The following PICK1 variants were observed in gnomAD, a reference collection of about 807,000 sequenced individuals.
PICK1 encodes PRKCA-binding protein.
Under a neutral mutation model 48.9 loss-of-function variants are expected in PICK1, and 23 were observed. The ratio of observed to expected loss-of-function variants is 0.47; its 90% confidence interval spans 0.34 to 0.67. The LOEUF (loss-of-function observed/expected upper bound fraction) is 0.67. Ranked by LOEUF, PICK1 falls within the 30% of genes least tolerant of loss-of-function variation. The probability of loss-of-function intolerance (pLI) is 0.01; values close to 1 mark genes in which losing one functional copy is unlikely to be tolerated. For missense variants in PICK1, 423 were observed against 557.1 expected (o/e 0.76, Z 2.42); for synonymous variants, 217 against 228.2 (o/e 0.95, Z 0.44).
chr22:38,060,475 T>G (rs1007197314), intron 3 of PICK1, among the ~76,000 whole-genome samples: 9 of 152,206 alleles, frequency 5.9e-5, no homozygotes, highest in Non-Finnish European at 1.5e-5. Context: ...CTCTCACTGG[T>G]GGCAGATGGG....
At chr22:38,070,996 A>G in intron 7 of PICK1, 105 bp downstream of exon 7, 2 of 862,318 alleles carry the variant, frequency 2.3e-6, no homozygotes, top group Non-Finnish European at 4.0e-6. Context: ...AGCCTACAAA[A>G]TACTAGGACC....
At position 38,057,803 on chromosome 22, in the gene PICK1, C is replaced by T. The variant is rs1268872317; in HGVS notation, c.-7C>T. 6.8e-6 allele frequency: 11 copies of T among 1,613,746 alleles called. No individual in the cohort carries two copies. Among genetic ancestry groups the T allele is most frequent in the Non-Finnish European group, 9.3e-6 (11 of 1,179,590 alleles). ...CAGTTAGCCAGCCCACTCCAACTCT[C>T]GGAACCATGTTTGCAGACTTGGATT... is the stretch of plus-strand genomic sequence containing the variant. On this transcript the variant is annotated 5_prime_UTR_variant, in exon 2 of 13. Coordinates refer to ENST00000356976, the MANE Select transcript of PICK1 (RefSeq NM_012407.4).
Position 38,065,208 on chromosome 22 carries a change from C to T in PICK1, c.282+78C>T, listed in dbSNP as rs767532321. ...ACCTCCAGGCTGCCAGAGGTCCCAG[C>T]AGGCCTGGAAGGGGGTATCAGCCCT... is the stretch of plus-strand genomic sequence containing the variant. On this transcript the variant is annotated intron_variant, in intron 4 of 12. Transcript: ENST00000356976. 1.0e-5 allele frequency: 15 copies of T among 1,483,176 alleles called. 1 individual carries two copies. Among genetic ancestry groups the T allele is most frequent in the Non-Finnish European group, 1.4e-5 (15 of 1,081,974 alleles). 91.9% of individuals were successfully genotyped at this position (1,483,176 alleles called of 1,614,324 possible). A position where few individuals can be genotyped will look rare whatever the true frequency, so the allele number is the denominator to read the frequency against.
chr22:38,069,927 T>C (rs2085634604), intron 6 of PICK1, among the ~76,000 whole-genome samples: 1 of 152,188 alleles, frequency 6.6e-6, no homozygotes. Flanking sequence ...TTTCTAAAAT[T>C]GAAGCTGTCA....
chr22:38,061,290 G>A lies in PICK1; in HGVS notation c.153+1945G>A, dbSNP rs571099069. 2.6e-5 allele frequency among the ~76,000 whole-genome samples: 4 copies of A among 152,166 alleles called. No individual in the cohort carries two copies. In the South Asian group the frequency reaches 6.2e-4, roughly 24 times the overall value. On this transcript the variant is annotated intron_variant, in intron 3 of 12. Transcript: ENST00000356976. ...CGGGAGATGGTGGTTGCAGTAAGCC[G>A]AGATCGTGCCATTGCACTCCAGCCT...
At chr22:38,068,077 C>T (rs993721314) in intron 5 of PICK1, 10 of 522,692 alleles carry the variant, frequency 1.9e-5, no homozygotes, top group African/African-American at 1.2e-4. Flanking sequence ...TGCAGGCCAG[C>T]GCCTCGGCTT....
chr22:38,074,472 C>G lies in PICK1; in HGVS notation c.979+21C>G, dbSNP rs531293972. The G allele has an allele frequency of 2.5e-6, 4 of 1,612,514 alleles. No homozygotes were observed. Among genetic ancestry groups the G allele is most frequent in the African/African-American group, 1.3e-5 (1 of 74,900 alleles). On this transcript the variant is annotated intron_variant, in intron 12 of 12. Transcript: ENST00000356976. This position sits in a 1 kb window ranked among gnomAD's most constrained non-coding sequence, Gnocchi z 4.5. ...GCACGGTGAGCGCCGCCCTCCTCCC[C>G]GTCCGCTCTCCATTTCAGAGGTGGG...
chr22:38,061,289 C>T (rs1367589687), intron 3 of PICK1, among the ~76,000 whole-genome samples: 4 of 151,956 alleles, frequency 2.6e-5, no homozygotes, highest in South Asian at 2.1e-4. Context: ...TGCAGTAAGC[C>T]GAGATCGTGC....
chr22:38,062,938 A>G (rs2085439372), intron 3 of PICK1, among the ~76,000 whole-genome samples: 1 of 151,818 alleles, frequency 6.6e-6, no homozygotes, highest in African/African-American at 2.4e-5. Context: ...TTTATTTCTG[A>G]TCTGTGAGAA....
At chr22:38,061,246 CAGG>C (rs2085393613) in intron 3 of PICK1, among the ~76,000 whole-genome samples, 2 of 152,144 alleles carry the variant, frequency 1.3e-5, no homozygotes, top group East Asian at 3.9e-4. Flanking sequence ...GAGGCTGAGA[CAGG>C]AGAATCGCTT....
intron 3 of PICK1, among the ~76,000 whole-genome samples, chr22:38,062,535 A>C (rs1346891463): frequency 6.6e-6 from 1 of 152,116 alleles, no homozygotes; most frequent in Non-Finnish European, 1.5e-5. Context: ...GGCGTGAGCC[A>C]CCATGCCCGG....
At chr22:38,068,696 A>T (rs1201372981) in intron 5 of PICK1, among the ~76,000 whole-genome samples, 1 of 152,130 alleles carries the variant, frequency 6.6e-6, no homozygotes, top group Non-Finnish European at 1.5e-5. Context: ...CTAGGTCCTG[A>T]TGTGACACAG....
intron 6 of PICK1, among the ~76,000 whole-genome samples, chr22:38,069,844 G>A (rs888369934): frequency 2.3e-4 from 35 of 152,306 alleles, no homozygotes; most frequent in Non-Finnish European, 3.1e-4. Context: ...GTTACCAGCC[G>A]TTGAGATGAA....
intron 1 of PICK1, 58 bp downstream of exon 1, chr22:38,057,645 A>C: frequency 1.5e-6 from 1 of 648,310 alleles, no homozygotes; most frequent in Non-Finnish European, 2.8e-6. Flanking sequence ...CTCCAGAGGG[A>C]AGAGGAGGGC....
At chr22:38,067,039 G>C (rs1300241629) in intron 4 of PICK1, among the ~76,000 whole-genome samples, 2 of 152,208 alleles carry the variant, frequency 1.3e-5, no homozygotes, top group African/African-American at 4.8e-5. Context: ...GGGTGTTTTG[G>C]GGTGGAGGAG....
chr22:38,070,418 G>A (rs1193116954), intron 6 of PICK1, among the ~76,000 whole-genome samples: 1 of 152,216 alleles, frequency 6.6e-6, no homozygotes, highest in Admixed American at 6.5e-5. Flanking sequence ...CCCAGTGTGA[G>A]CTCTCTCAGC....
rs141358050 is a variant in PICK1 at position 38,070,871 on chromosome 22, G to A, written c.473G>A (p.Arg158Gln). The A allele has an allele frequency of 4.1e-5, 66 of 1,613,832 alleles. No homozygotes were observed. The highest frequency in any genetic ancestry group is 4.9e-5 in the Non-Finnish European group (58 of 1,179,978). ...GTCAAGAGGCTAGAGGAGCTGGAGC[G>A]GACCGCTGAGCTATACAAAGGTGGG... The part of the protein sequence containing the change: ...GLVKRLEELE[R>Q]TAELYKGMTE... The change falls in exon 7 of 13, where the codon CGG (arginine) becomes CAG (glutamine). Residue 158 changes from arginine to glutamine, a missense_variant. Arg to Gln is a conservative substitution (Grantham distance 43). Transcript: ENST00000356976.
intron 1 of PICK1, 82 bp downstream of exon 1, chr22:38,057,669 A>T (rs2085303491): frequency 1.8e-6 from 1 of 566,194 alleles, no homozygotes; most frequent in South Asian, 1.7e-5. Context: ...GCTGTCCCGT[A>T]TGAGGTGGTG....
chr22:38,071,936 CG>C (rs2085707505), intron 8 of PICK1, 192 bp downstream of exon 8: 3 of 650,260 alleles, frequency 4.6e-6, no homozygotes, highest in East Asian at 2.8e-5. Flanking sequence ...AGGGCCGCAA[CG>C]ATGAACAGGC....
Sources: allele counts gnomAD v4.1 joint callset (sites outside exome capture counted in the v4.1 genomes callset), GRCh38; gene constraint gnomAD v4.1.1; non-coding constraint Gnocchi (gnomAD v3.1); transcripts MANE v1.5; gene names NCBI Gene and HGNC (gene_info 2026-07-23, HGNC 2026-07-21).